Variants in CDH3 observed in about 807,000 individuals in gnomAD.
CDH3 encodes the protein cadherin-3.
A neutral mutation model predicts 82.0 loss-of-function variants in CDH3; 54 were observed. That is an observed-to-expected ratio of 0.66 (90% confidence interval 0.53 to 0.83). CDH3 has a LOEUF of 0.83. Ranked by LOEUF, CDH3 falls within the 40% of genes least tolerant of loss-of-function variation. The pLI is 0.00. For missense variants in CDH3, 1,054 were observed against 1,084.6 expected, an observed-to-expected ratio of 0.97 and a Z score of 0.40; for synonymous variants, 446 against 437.9, an observed-to-expected ratio of 1.02 and a Z score of -0.23.
At chr16:68,680,717 T>C (rs1961195990) in intron 7 of CDH3, among the ~76,000 whole-genome samples, 1 of 151,976 alleles carries the variant, frequency 6.6e-6, no homozygotes, top group South Asian at 2.1e-4. Flanking sequence ...CAGTTAAGGG[T>C]CAGGGGGCGA....
chr16:68,651,403 C>T (rs1320658592), intron 2 of CDH3: 8 of 550,444 alleles, frequency 1.5e-5, no homozygotes, highest in East Asian at 1.4e-4. Flanking sequence ...CTCCTTGTGC[C>T]GTACATGGTC....
intron 2 of CDH3, among the ~76,000 whole-genome samples, chr16:68,647,612 G>A (rs911449837): frequency 5.9e-5 from 9 of 152,128 alleles, no homozygotes; most frequent in Non-Finnish European, 2.9e-5. Context: ...CCTGCCACAC[G>A]GCTGGGTCTT....
At chr16:68,673,689 G>A (rs978144670) in intron 2 of CDH3, among the ~76,000 whole-genome samples, 3 of 152,162 alleles carry the variant, frequency 2.0e-5, no homozygotes, top group African/African-American at 7.2e-5. Flanking sequence ...ACTTTGGGAG[G>A]CCAGGCGGGT....
chr16:68,691,979 G>A, intron 13 of CDH3, 53 bp downstream of exon 13: 1 of 1,450,880 alleles, frequency 6.9e-7, no homozygotes, highest in Non-Finnish European at 9.6e-7. Context: ...TGAAAGACTG[G>A]ATTCTACCTT....
At chr16:68,701,889 T>C (rs1961901263), downstream of CDH3, among the ~76,000 whole-genome samples, 1 of 151,512 alleles carries the variant, frequency 6.6e-6, no homozygotes, top group Non-Finnish European at 1.5e-5. Flanking sequence ...CTGGGTGTGG[T>C]GGCCTACGCC....
chr16:68,658,764 T>C (rs1960476906), intron 2 of CDH3, among the ~76,000 whole-genome samples: 1 of 152,160 alleles, frequency 6.6e-6, no homozygotes, highest in African/African-American at 2.4e-5. Context: ...TTTTTCCGCT[T>C]CCAGAAGTCT....
chr16:68,671,080 CA>C (rs1424961505), intron 2 of CDH3, among the ~76,000 whole-genome samples: 1 of 148,008 alleles, frequency 6.8e-6, no homozygotes, highest in Non-Finnish European at 1.5e-5. Context: ...CTCAAAAAAA[CA>C]AAAACAAAAA....
chr16:68,648,532 A>G (rs1443164604), intron 2 of CDH3, among the ~76,000 whole-genome samples: 1 of 151,842 alleles, frequency 6.6e-6, no homozygotes, highest in African/African-American at 2.4e-5. Context: ...GTTCACTGCA[A>G]CCTCTACCTC....
In CDH3 at chr16:68,677,926, CT is replaced by C. The variant is rs376882052; in HGVS notation, c.247-194del. 0.18 allele frequency among the ~76,000 whole-genome samples: 26,175 copies of C among 145,268 alleles called. 2,623 individuals are homozygous for C. The highest frequency in any genetic ancestry group is 0.29 in the African/African-American group (11,687 of 39,902). The stretch of plus-strand genomic sequence containing the variant: ...CTCATCTAGGTCTCCTCACCCTTAA[CT>C]TTTTTTTTTTTTTAATTTAACTTAG... On this transcript the variant is annotated intron_variant, in intron 3 of 15. Transcript: ENST00000264012.
rs564319395 is a variant in CDH3, at chr16:68,723,706, G to A, written c.*45+1090G>A. ...AGCACTTTGGGAGGCCAAGGTGGGT[G>A]GATCACTTGAGTTTGAGACCAGCCT... On this transcript the variant is annotated intron_variant, in intron 2 of 2. Coordinates refer to the CDH3 transcript ENST00000569080. 1.4e-3 allele frequency among the ~76,000 whole-genome samples: 213 copies of A among 152,196 alleles called. 1 individual carries two copies. The highest frequency in any genetic ancestry group is 2.4e-3 in the Non-Finnish European group (166 of 68,006).
chr16:68,647,116 G>A (rs1960096040), intron 2 of CDH3, among the ~76,000 whole-genome samples: 1 of 152,270 alleles, frequency 6.6e-6, no homozygotes, highest in East Asian at 1.9e-4. Flanking sequence ...AAATTCTTGC[G>A]CAGGGGTTTA....
chr16:68,728,468 G>A (rs1326858168), downstream of CDH3, among the ~76,000 whole-genome samples: 1 of 151,880 alleles, frequency 6.6e-6, no homozygotes, highest in Non-Finnish European at 1.5e-5. Flanking sequence ...GCCTGGCCTT[G>A]TATTTTCAAT....
chr16:68,731,959 G>A (rs543708047), downstream of CDH3, among the ~76,000 whole-genome samples: 2 of 152,188 alleles, frequency 1.3e-5, no homozygotes, highest in South Asian at 4.1e-4. Flanking sequence ...AAAAACTACT[G>A]TTGGGGCTGG....
chr16:68,665,503 G>A (rs1255254562), intron 2 of CDH3, among the ~76,000 whole-genome samples: 1 of 152,178 alleles, frequency 6.6e-6, no homozygotes, highest in Non-Finnish European at 1.5e-5. Flanking sequence ...TTAGAGACTG[G>A]AAATTAAGCA....
intron 7 of CDH3, 54 bp from the exon 8 acceptor site, chr16:68,680,914 G>T (rs922727877): frequency 3.7e-6 from 6 of 1,609,502 alleles, no homozygotes; most frequent in Non-Finnish European, 2.6e-6. Flanking sequence ...GAGGTCAGGG[G>T]AGGGACCCTT....
chr16:68,656,318 C>T (rs1221970636), intron 2 of CDH3, among the ~76,000 whole-genome samples: 2 of 152,196 alleles, frequency 1.3e-5, no homozygotes, highest in African/African-American at 2.4e-5. Context: ...CCCTTCTCAA[C>T]TCCCCTCCCG....
At chr16:68,706,148 C>G (rs1961961031) in intron 1 of CDH3, among the ~76,000 whole-genome samples, 1 of 151,820 alleles carries the variant, frequency 6.6e-6, no homozygotes, top group Non-Finnish European at 1.5e-5. Context: ...CCAAATGTGT[C>G]AAGATCGACA....
At chr16:68,674,864 C>T (rs949889802) in intron 2 of CDH3, among the ~76,000 whole-genome samples, 1 of 152,156 alleles carries the variant, frequency 6.6e-6, no homozygotes, top group African/African-American at 2.4e-5. Context: ...CCTGTAATCC[C>T]AGCATTCTGG....
At chr16:68,730,355 C>T (rs1264534876), downstream of CDH3, among the ~76,000 whole-genome samples, 12 of 151,438 alleles carry the variant, frequency 7.9e-5, no homozygotes, top group African/African-American at 2.7e-4. Context: ...GCAGAAACCC[C>T]GTCTCTACTA....
Sources: allele counts gnomAD v4.1 joint callset (sites outside exome capture counted in the v4.1 genomes callset), GRCh38; gene constraint gnomAD v4.1.1; transcripts MANE v1.5; gene names NCBI Gene and HGNC (gene_info 2026-07-23, HGNC 2026-07-21).